BABAM2: variants seen among roughly 807,000 people sequenced by gnomAD.
The protein encoded by BABAM2 is BRISC and BRCA1-A complex member 2.
In BABAM2, 31 loss-of-function variants were observed where a neutral mutation model predicts 54.7. The ratio of observed to expected loss-of-function variants is 0.57; its 90% CI spans 0.43 to 0.77. BABAM2 has a LOEUF of 0.77. Ranked by LOEUF, BABAM2 falls within the 30% of genes least tolerant of loss-of-function variation. BABAM2 has a pLI of 0.00. For synonymous variants in BABAM2, 167 were observed against 162.9 expected, an observed-to-expected ratio of 1.03 and a Z score of -0.19; for missense variants, 364 against 455.8, an observed-to-expected ratio of 0.80 and a Z score of 1.83.
At chr2:27,986,735 A>G (rs2148483812) in intron 3 of BABAM2, among the ~76,000 whole-genome samples, 1 of 152,292 alleles carries the variant, frequency 6.6e-6, no homozygotes, top group Middle Eastern at 3.4e-3. Flanking sequence ...AATTTTATAG[A>G]TACTGTTTGA....
At chr2:28,302,810 T>C (rs1344485343) in intron 11 of BABAM2, among the ~76,000 whole-genome samples, 1 of 152,230 alleles carries the variant, frequency 6.6e-6, no homozygotes, top group Non-Finnish European at 1.5e-5. Context: ...GTTTTTAATT[T>C]ACATTTCCTG....
chr2:27,917,591 C>A (rs1202158497), intron 2 of BABAM2, among the ~76,000 whole-genome samples: 3 of 152,066 alleles, frequency 2.0e-5, no homozygotes, highest in African/African-American at 7.2e-5. Context: ...TTTATGAGGC[C>A]TCCGTTTTAT....
chr2:28,308,125 G>T, intron 11 of BABAM2: 1 of 282,508 alleles, frequency 3.5e-6, no homozygotes, highest in Non-Finnish European at 7.0e-6. Flanking sequence ...GCTTCTAGAG[G>T]AGTGAGGGCT....
At chr2:28,013,373 C>G (rs1462748708) in intron 4 of BABAM2, 1 of 455,690 alleles carries the variant, frequency 2.2e-6, no homozygotes, top group Non-Finnish European at 4.4e-6. Context: ...TACCTAGCAA[C>G]TGGGTGAGGC....
chr2:27,940,289 A>T (rs1668777277), intron 3 of BABAM2, among the ~76,000 whole-genome samples: 1 of 152,216 alleles, frequency 6.6e-6, no homozygotes, highest in Non-Finnish European at 1.5e-5. Flanking sequence ...AAATATAGCC[A>T]TCCTAGTCAT....
intron 10 of BABAM2, among the ~76,000 whole-genome samples, chr2:28,254,979 C>T (rs1411771202): frequency 1.3e-5 from 2 of 151,910 alleles, no homozygotes; most frequent in African/African-American, 4.8e-5. Context: ...TCTAGTGAAC[C>T]TCCCACCTCA....
intron 6 of BABAM2, among the ~76,000 whole-genome samples, chr2:28,100,524 A>G (rs1015250751): frequency 6.6e-6 from 1 of 151,006 alleles, no homozygotes; most frequent in African/African-American, 2.4e-5. Flanking sequence ...TTGAAAAACT[A>G]TGCTTTTGTG....
intron 4 of BABAM2, among the ~76,000 whole-genome samples, chr2:28,018,450 G>A (rs1006621899): frequency 1.3e-4 from 20 of 152,106 alleles, no homozygotes; most frequent in Admixed American, 1.3e-4. Context: ...ATTGCAAATT[G>A]TGCTGCTGTA....
At chr2:28,160,771 G>T (rs1423650688) in intron 7 of BABAM2, among the ~76,000 whole-genome samples, 3 of 149,956 alleles carry the variant, frequency 2.0e-5, no homozygotes, top group African/African-American at 7.4e-5. Flanking sequence ...GAGTAGGTAG[G>T]TGGGATGAAA....
intron 6 of BABAM2, among the ~76,000 whole-genome samples, chr2:28,102,900 C>T (rs1457432298): frequency 6.6e-6 from 1 of 151,976 alleles, no homozygotes; most frequent in Non-Finnish European, 1.5e-5. Context: ...CTTATAAGTT[C>T]CTATGTTAAA....
At chr2:28,307,427 C>G (rs2148269057) in intron 11 of BABAM2, among the ~76,000 whole-genome samples, 1 of 149,676 alleles carries the variant, frequency 6.7e-6, no homozygotes, top group East Asian at 2.0e-4. Context: ...TTCCTTTGTC[C>G]TTTTCTTCCT....
chr2:28,100,957 A>G (rs986677515), intron 6 of BABAM2, among the ~76,000 whole-genome samples: 2 of 152,212 alleles, frequency 1.3e-5, no homozygotes, highest in South Asian at 2.1e-4. Context: ...GTTTACATAC[A>G]GAGAAGGCAA....
intron 6 of BABAM2, among the ~76,000 whole-genome samples, chr2:28,076,480 A>AG (rs1404434075): frequency 5.2e-4 from 78 of 149,202 alleles, no homozygotes; most frequent in African/African-American, 1.7e-3. Context: ...TTATTTATTT[A>AG]TTTAGTTAGT....
chr2:27,947,638 C>T (rs1669397195), intron 3 of BABAM2, among the ~76,000 whole-genome samples: 1 of 151,994 alleles, frequency 6.6e-6, no homozygotes, highest in African/African-American at 2.4e-5. Flanking sequence ...ATATTTTCTC[C>T]CTGACTGTGG....
chr2:28,101,432 A>C (rs1290009026), intron 6 of BABAM2, among the ~76,000 whole-genome samples: 1 of 152,216 alleles, frequency 6.6e-6, no homozygotes, highest in Non-Finnish European at 1.5e-5. Flanking sequence ...AGTGAGACAC[A>C]GGGCCTCCCA....
intron 4 of BABAM2, among the ~76,000 whole-genome samples, chr2:27,998,164 A>T (rs1348226954): frequency 6.6e-6 from 1 of 151,900 alleles, no homozygotes; most frequent in East Asian, 1.9e-4. Context: ...AGAAAAAAAA[A>T]TGCTTATCCA....
intron 6 of BABAM2, among the ~76,000 whole-genome samples, chr2:28,096,309 A>G (rs1018299725): frequency 4.6e-5 from 7 of 151,622 alleles, no homozygotes; most frequent in South Asian, 2.1e-4. Flanking sequence ...TTGGAAACCT[A>G]TTGTCATACA....
intron 10 of BABAM2, among the ~76,000 whole-genome samples, chr2:28,253,924 G>A (rs1323362280): frequency 6.6e-6 from 1 of 152,170 alleles, no homozygotes; most frequent in African/African-American, 2.4e-5. Context: ...ACTGGCTCAA[G>A]GTAGGGATTC....
At chr2:28,167,485 G>A (rs1423057772) in intron 7 of BABAM2, among the ~76,000 whole-genome samples, 1 of 152,090 alleles carries the variant, frequency 6.6e-6, no homozygotes, top group African/African-American at 2.4e-5. Flanking sequence ...GCTGAGGTCA[G>A]GAGTTCCAGA....
Sources: allele counts gnomAD v4.1 joint callset (sites outside exome capture counted in the v4.1 genomes callset), GRCh38; gene constraint gnomAD v4.1.1; transcripts MANE v1.5; gene names NCBI Gene and HGNC (gene_info 2026-07-23, HGNC 2026-07-21).